The following HECA variants were observed in gnomAD, a reference collection of about 807,000 sequenced individuals.
HECA encodes the protein HECA ribonucleoprotein granule regulator, also known as headcase protein homolog.
Under a neutral mutation model 37.6 loss-of-function variants are expected in HECA, and 13 were observed. The observed-to-expected ratio is 0.35, with a 90% confidence interval of 0.23 to 0.55. The LOEUF is 0.55. Among genes scored for constraint, HECA ranks in the 20% least tolerant of loss-of-function variants. The pLI is 0.90. For synonymous variants in HECA, 307 were observed against 291.5 expected, an observed-to-expected ratio of 1.05 and a Z score of -0.54; for missense variants, 527 against 701.9, an observed-to-expected ratio of 0.75 and a Z score of 2.82.
At chr6:139,173,280 A>G (rs931353272) in intron 2 of HECA, among the ~76,000 whole-genome samples, 60 of 152,288 alleles carry the variant, frequency 3.9e-4, no homozygotes, top group African/African-American at 1.4e-3. Context: ...CATTTACCCA[A>G]CATACACTTA....
intron 1 of HECA, among the ~76,000 whole-genome samples, chr6:139,148,931 C>T (rs942369687): frequency 2.5e-4 from 38 of 152,092 alleles, no homozygotes; most frequent in African/African-American, 8.0e-4. Flanking sequence ...CTATGTAGGA[C>T]TTTGACACTT....
chr6:139,156,744 C>G (rs547877027), intron 1 of HECA, among the ~76,000 whole-genome samples: 1 of 152,202 alleles, frequency 6.6e-6, no homozygotes, highest in African/African-American at 2.4e-5. Flanking sequence ...AGTGTGCATT[C>G]CGCATACTCT....
chr6:139,172,564 A>G (rs1298785395), intron 2 of HECA, among the ~76,000 whole-genome samples: 1 of 152,178 alleles, frequency 6.6e-6, no homozygotes, highest in Non-Finnish European at 1.5e-5. Context: ...ACCACATGTG[A>G]TTGTTCTCTG....
At chr6:139,136,154 C>T (rs1328788053) in intron 1 of HECA, among the ~76,000 whole-genome samples, 2 of 151,866 alleles carry the variant, frequency 1.3e-5, no homozygotes, top group Non-Finnish European at 2.9e-5. Flanking sequence ...CGTCGATCGC[C>T]ACAGGTGAAG....
chr6:139,136,398 G>A (rs1774437031), intron 1 of HECA, among the ~76,000 whole-genome samples: 1 of 152,054 alleles, frequency 6.6e-6, no homozygotes, highest in Non-Finnish European at 1.5e-5. Flanking sequence ...GGACACTTAG[G>A]AACTGGCCCA....
At chr6:139,148,766 C>CA (rs1005023728) in intron 1 of HECA, among the ~76,000 whole-genome samples, 84 of 142,544 alleles carry the variant, frequency 5.9e-4, no homozygotes, top group Admixed American at 1.1e-3. Flanking sequence ...ACTCTGTCTC[C>CA]AAAAAAAAAA....
intron 1 of HECA, among the ~76,000 whole-genome samples, chr6:139,138,911 AG>A (rs1173280157): frequency 2.0e-5 from 3 of 152,220 alleles, no homozygotes; most frequent in Admixed American, 2.0e-4. Context: ...CAGGTATACA[AG>A]ATTACCAATG....
At chr6:139,149,344 T>G (rs1045848638) in intron 1 of HECA, among the ~76,000 whole-genome samples, 8 of 152,214 alleles carry the variant, frequency 5.3e-5, no homozygotes, top group Non-Finnish European at 1.2e-4. Flanking sequence ...AGCCCAAGTT[T>G]TATCTGCAGA....
intron 2 of HECA, among the ~76,000 whole-genome samples, chr6:139,167,603 A>G (rs1259147591): frequency 6.6e-6 from 1 of 152,162 alleles, no homozygotes; most frequent in Admixed American, 6.5e-5. Flanking sequence ...TGGGGAAGGA[A>G]ATTAGTGGAG....
intron 1 of HECA, among the ~76,000 whole-genome samples, chr6:139,162,836 C>T (rs538387454): frequency 2.0e-5 from 3 of 152,204 alleles, no homozygotes; most frequent in African/African-American, 7.2e-5. Context: ...TTTGTTCCCT[C>T]TCATATGTCT....
At chr6:139,148,821 T>C (rs1001810220) in intron 1 of HECA, among the ~76,000 whole-genome samples, 17 of 151,938 alleles carry the variant, frequency 1.1e-4, no homozygotes, top group Non-Finnish European at 2.5e-4. Context: ...CCTCTCCGAG[T>C]CTCTGGCCAC....
chr6:139,135,628 GCCGC>G lies in HECA; in HGVS notation c.234_237del (p.Ala79ArgfsTer19), dbSNP rs1774423970. 2 of 967,548 alleles carry G rather than the reference GCCGC, an allele frequency of 2.1e-6. No homozygotes were observed. Among genetic ancestry groups the G allele is most frequent in the Admixed American group, 1.3e-4 (2 of 15,748 alleles). The allele number at this position is 967,548 out of a possible 1,614,324, so 59.9% of individuals were successfully genotyped here. ...GGGGACTGGCGCCGCGAACGCTGCG[GCCGC>G]CGCGGGGGCTGCGGCCGCGGGCGAT... On this transcript the variant is annotated frameshift_variant, in exon 1 of 4. Transcript: ENST00000367658. LOFTEE classifies it high-confidence loss of function.
chr6:139,136,171 C>G (rs1230367656), intron 1 of HECA, among the ~76,000 whole-genome samples: 4 of 150,544 alleles, frequency 2.7e-5, no homozygotes, highest in African/African-American at 7.3e-5. Context: ...GAAGAGGCCT[C>G]GAGACATTTA....
chr6:139,141,001 A>C (rs1177682533), intron 1 of HECA, among the ~76,000 whole-genome samples: 1 of 152,220 alleles, frequency 6.6e-6, no homozygotes, highest in Non-Finnish European at 1.5e-5. Flanking sequence ...CGTGTTAGCC[A>C]GGATGGTCTT....
intron 1 of HECA, chr6:139,155,869 A>G (rs369237254): frequency 2.6e-5 from 4 of 152,202 alleles, no homozygotes; most frequent in East Asian, 1.9e-4. Context: ...AAATAATATT[A>G]ATAAAAGCTT....
intron 1 of HECA, among the ~76,000 whole-genome samples, chr6:139,137,589 G>T (rs1298234675): frequency 6.6e-6 from 1 of 150,784 alleles, no homozygotes; most frequent in African/African-American, 2.4e-5. Context: ...TTCCTGTTCT[G>T]GTGGTGGTTT....
chr6:139,169,646 A>AG (rs1774944074), intron 2 of HECA: 1 of 152,210 alleles, frequency 6.6e-6, no homozygotes, highest in South Asian at 2.1e-4. Flanking sequence ...AGGTTGGCTT[A>AG]GGGGGCCTCA....
chr6:139,154,263 A>G (rs965263525), intron 1 of HECA, among the ~76,000 whole-genome samples: 1 of 152,242 alleles, frequency 6.6e-6, no homozygotes, highest in Non-Finnish European at 1.5e-5. Context: ...CAATTGGTCA[A>G]ATCCATGGAT....
chr6:139,136,816 A>G (rs1214386844), intron 1 of HECA, among the ~76,000 whole-genome samples: 1 of 151,984 alleles, frequency 6.6e-6, no homozygotes, highest in South Asian at 2.1e-4. Flanking sequence ...TGTTATTTTT[A>G]GTAGAGACAG....
Sources: allele counts gnomAD v4.1 joint callset (sites outside exome capture counted in the v4.1 genomes callset), GRCh38; gene constraint gnomAD v4.1.1; transcripts MANE v1.5; gene names NCBI Gene and HGNC (gene_info 2026-07-23, HGNC 2026-07-21).